MYH15: variants seen among roughly 807,000 people sequenced by gnomAD.
The protein encoded by MYH15 is myosin heavy chain 15.
Under a neutral mutation model 240.5 loss-of-function variants are expected in MYH15, and 227 were observed. That is an observed-to-expected ratio of 0.94 (90% CI 0.85 to 1.05). The LOEUF is 1.05. MYH15 is among the 50% of genes least tolerant of loss of function. The probability of loss-of-function intolerance (pLI) is 0.00; values close to 1 mark genes in which losing one functional copy is unlikely to be tolerated. For synonymous variants in MYH15, 785 were observed against 796.7 expected (o/e 0.99, Z 0.25); for missense variants, 2,217 against 2,247.5 (o/e 0.99, Z 0.27).
chr3:108,499,283 TA>T (rs2083418634), intron 5 of MYH15, among the ~76,000 whole-genome samples, 171 bp downstream of exon 5: 1 of 152,226 alleles, frequency 6.6e-6, no homozygotes, highest in Admixed American at 6.5e-5. Flanking sequence ...CATCACTGAC[TA>T]AAGCACTATG....
chr3:108,383,693 TC>T lies in MYH15; in HGVS notation c.5667del (p.Lys1890AsnfsTer6). The stretch of plus-strand genomic sequence containing the variant: ...ACTTCATTCAACTCATGTTGCTGTT[TC>T]TTATACTTGGAAAGGTATTGATTGG... ...TQANQYLSKY[K>X]KQQHELNEVK... On this transcript the variant is annotated frameshift_variant, in exon 40 of 41. Transcript: ENST00000693548. LOFTEE classifies it high-confidence loss of function. 6.2e-7 allele frequency: 1 copy of T among 1,610,578 alleles called. No individual in the cohort carries two copies. The highest frequency in any genetic ancestry group is 8.5e-7 in the Non-Finnish European group (1 of 1,178,232).
chr3:108,496,925 G>T (rs189812708), intron 6 of MYH15, among the ~76,000 whole-genome samples: 14 of 151,764 alleles, frequency 9.2e-5, no homozygotes, highest in African/African-American at 3.4e-4. Flanking sequence ...CACTTTGGAG[G>T]CCTACGCGGG....
intron 11 of MYH15, among the ~76,000 whole-genome samples, chr3:108,480,249 T>C (rs1428359721): frequency 6.6e-6 from 1 of 152,160 alleles, no homozygotes; most frequent in Non-Finnish European, 1.5e-5. Flanking sequence ...CAAGAGTTTT[T>C]GTAGGCAAAT....
intron 25 of MYH15, 149 bp downstream of exon 25, chr3:108,437,405 G>GAA (rs35964179): frequency 1.4e-3 from 1,284 of 950,398 alleles, no homozygotes; most frequent in East Asian, 8.7e-3. Context: ...GTCCAGTAAA[G>GAA]AAAAAAAAAA....
intron 14 of MYH15, among the ~76,000 whole-genome samples, chr3:108,465,671 C>G (rs1306659023): frequency 6.6e-6 from 1 of 152,032 alleles, no homozygotes; most frequent in Non-Finnish European, 1.5e-5. Context: ...TGAGGTGGCT[C>G]ACGCCAGCAC....
chr3:108,462,132 C>T (rs2083076304), intron 16 of MYH15, among the ~76,000 whole-genome samples: 2 of 152,156 alleles, frequency 1.3e-5, no homozygotes, highest in African/African-American at 4.8e-5. Flanking sequence ...CCAGTTTCTG[C>T]TCAGAGGCTG....
Position 108,394,126 on chromosome 3 carries a change from G to T in MYH15, c.5164C>A (p.Leu1722Met). 6.2e-7 allele frequency: 1 copy of T among 1,614,088 alleles called. No individual in the cohort carries two copies. Among genetic ancestry groups the T allele is most frequent in the Non-Finnish European group, 8.5e-7 (1 of 1,179,962 alleles). The change falls in exon 36 of 41, where the codon CTG (leucine) becomes ATG (methionine). Residue 1722 changes from leucine (L) to methionine (M), a missense_variant. By Grantham distance (15) the Leu-to-Met change is conservative. Transcript: ENST00000693548. ...TGCATCCGGGCAACATCAGCCTCCA[G>T]TTTCTTCTTCTGGCTGAGGAGGCTT... Reference protein sequence around the residue: ...NTSLLSQKKKLEADVARMQKE... With the variant: ...NTSLLSQKKKMEADVARMQKE...
At chr3:108,406,311 T>G (rs1560325983) in intron 32 of MYH15, among the ~76,000 whole-genome samples, 1 of 152,224 alleles carries the variant, frequency 6.6e-6, no homozygotes, top group Non-Finnish European at 1.5e-5. Context: ...TCATAGCCTC[T>G]TTTGAGGCGT....
At chr3:108,516,759 G>T (rs1408072169) in intron 1 of MYH15, among the ~76,000 whole-genome samples, 3 of 152,170 alleles carry the variant, frequency 2.0e-5, no homozygotes, top group Admixed American at 2.0e-4. Context: ...AAAAGCAGGG[G>T]TTTAGGCAGG....
At chr3:108,430,240 C>T (rs1380669740) in intron 26 of MYH15, among the ~76,000 whole-genome samples, 1 of 152,148 alleles carries the variant, frequency 6.6e-6, no homozygotes, top group Admixed American at 6.5e-5. Flanking sequence ...ATTTATTTAG[C>T]TTCAAAGGGA....
In MYH15 at chr3:108,486,495, G is replaced by A; in HGVS notation, c.903C>T (p.Asp301=). Residue 301 remains aspartate (D), a synonymous_variant, in exon 10 of 41, where the codon GAC becomes GAT. Coordinates refer to ENST00000693548, the MANE Select transcript of MYH15 (RefSeq NM_014981.3). The part of the protein sequence containing the change: ...DLLLVSANPS[D]FHFCSCGAVT... Reference sequence around the variant, plus strand: ...CTGCTCCACAGGAGCAAAAGTGGAAGTCTGAGGGATTTGCAGATACCAGGA... The same window carrying A: ...CTGCTCCACAGGAGCAAAAGTGGAAATCTGAGGGATTTGCAGATACCAGGA... The A allele has an allele frequency of 6.2e-7, 1 of 1,612,400 alleles. No individual in the cohort carries two copies. Among genetic ancestry groups the A allele is most frequent in the Non-Finnish European group, 8.5e-7 (1 of 1,178,778 alleles).
intron 1 of MYH15, among the ~76,000 whole-genome samples, chr3:108,519,873 G>C (rs2083604322): frequency 6.6e-6 from 1 of 152,038 alleles, no homozygotes; most frequent in African/African-American, 2.4e-5. Flanking sequence ...TATTTTCATC[G>C]ATTTATTGGT....
intron 16 of MYH15, 106 bp from the exon 17 acceptor site, chr3:108,460,473 C>A: frequency 1.5e-6 from 1 of 679,956 alleles, no homozygotes; most frequent in Non-Finnish European, 2.3e-6. Context: ...AGTTCTAGAA[C>A]AATATGGCAA....
intron 31 of MYH15, among the ~76,000 whole-genome samples, 161 bp from the exon 32 acceptor site, chr3:108,408,565 G>A (rs927929140): frequency 3.3e-5 from 5 of 152,216 alleles, no homozygotes; most frequent in African/African-American, 7.2e-5. Context: ...ATTTTAAAAG[G>A]GTATTCATTT....
intron 28 of MYH15, among the ~76,000 whole-genome samples, chr3:108,418,796 C>T (rs2082657424): frequency 6.6e-6 from 1 of 151,690 alleles, no homozygotes; most frequent in East Asian, 1.9e-4. Flanking sequence ...GAGTCTCACT[C>T]TGTTGCCCAG....
At chr3:108,455,664 C>T in intron 20 of MYH15, 72 bp downstream of exon 20, 3 of 1,514,940 alleles carry the variant, frequency 2.0e-6, no homozygotes, top group East Asian at 2.3e-5. Context: ...ATTGAGCATT[C>T]ACAGGTATTT....
chr3:108,471,457 T>C (rs557666433), intron 12 of MYH15, among the ~76,000 whole-genome samples: 4 of 152,310 alleles, frequency 2.6e-5, no homozygotes, highest in East Asian at 1.9e-4. Context: ...GAGGATCCTC[T>C]GACCCCTTGC....
chr3:108,469,146 T>C (rs1435023262), intron 14 of MYH15, among the ~76,000 whole-genome samples: 1 of 152,184 alleles, frequency 6.6e-6, no homozygotes, highest in African/African-American at 2.4e-5. Flanking sequence ...TAAATGAAAT[T>C]GATAGGACAC....
In MYH15 at chr3:108,441,254, C is replaced by A. The variant is rs1460754103; in HGVS notation, c.2662G>T (p.Glu888Ter). Residue 888 changes from glutamate (E) to a stop codon, truncating the protein, a stop_gained, in exon 23 of 41, where the codon GAG becomes TAG. Coordinates refer to ENST00000693548, the MANE Select transcript of MYH15 (RefSeq NM_014981.3). LOFTEE classifies it high-confidence loss of function. The stretch of plus-strand genomic sequence containing the variant: ...TGCTCTTCAACATTTGCCAGTGTCT[C>A]TTGCTCCTGCCATGATGAGGAGAAA... Reference protein sequence around the residue: ...DLILQLQAEQETLANVEEQCE... With the variant: ...DLILQLQAEQ 1.2e-6 allele frequency: 2 copies of A among 1,613,880 alleles called. No individual in the cohort carries two copies.
Sources: allele counts gnomAD v4.1 joint callset (sites outside exome capture counted in the v4.1 genomes callset), GRCh38; gene constraint gnomAD v4.1.1; transcripts MANE v1.5; gene names NCBI Gene and HGNC (gene_info 2026-07-23, HGNC 2026-07-21).